The following TSPAN9 variants were observed in gnomAD, a reference collection of about 807,000 sequenced individuals.
TSPAN9 encodes tetraspanin 9, also known as tetraspanin-9.
TSPAN9 carries 16 observed loss-of-function variants against 31.0 expected under a neutral mutation model. The observed-to-expected ratio is 0.52, with a 90% CI of 0.35 to 0.78. The LOEUF (loss-of-function observed/expected upper bound fraction) is 0.78, where lower values mean the gene tolerates loss of function less well. Among genes scored for constraint, TSPAN9 ranks in the 30% least tolerant of loss-of-function variants. TSPAN9 has a pLI of 0.01. For synonymous variants in TSPAN9, 145 were observed against 121.6 expected (o/e 1.19, Z -1.27); for missense variants, 272 against 312.5 (o/e 0.87, Z 0.98).
rs1464818320 is a variant in TSPAN9, at chr12:3,177,191, G to GCCCAGGC, written c.-17-23985_-17-23984insCCAGGCC. Among the ~76,000 whole-genome samples the GCCCAGGC allele has an allele frequency of 1.5e-3, 226 of 147,254 alleles. 9 individuals are homozygous for GCCCAGGC. The South Asian group carries it at 0.046, about 30-fold the overall frequency. On this transcript the variant is annotated intron_variant, in intron 2 of 8. Coordinates refer to ENST00000011898, the MANE Select transcript of TSPAN9 (RefSeq NM_006675.5). The stretch of plus-strand genomic sequence containing the variant: ...CTCGCTCTGTTGCCCAGGCCGGACT[G>GCCCAGGC]CAGTGGTGCGATCTCGGCTCACTGC...
At chr12:3,219,618 G>C (rs187174877) in intron 3 of TSPAN9, among the ~76,000 whole-genome samples, 1 of 152,138 alleles carries the variant, frequency 6.6e-6, no homozygotes, top group African/African-American at 2.4e-5. Flanking sequence ...TGAGAATATA[G>C]ATGAGTAGAG....
At chr12:3,093,840 C>T (rs770242912) in intron 2 of TSPAN9, among the ~76,000 whole-genome samples, 1 of 152,002 alleles carries the variant, frequency 6.6e-6, no homozygotes, top group East Asian at 1.9e-4. Context: ...TCTTGATTTG[C>T]TTTGTTTTAT....
chr12:3,141,820 G>T (rs2098335000), intron 2 of TSPAN9, among the ~76,000 whole-genome samples: 1 of 152,172 alleles, frequency 6.6e-6, no homozygotes. Flanking sequence ...TCTGTGGGCT[G>T]CTCTTGCTTT....
intron 2 of TSPAN9, among the ~76,000 whole-genome samples, chr12:3,090,495 G>A (rs894276543): frequency 1.3e-5 from 2 of 152,206 alleles, no homozygotes; most frequent in Non-Finnish European, 2.9e-5. Context: ...CCCCTGCTAC[G>A]TGGTTTCTCA....
In TSPAN9 at chr12:3,120,792, C is replaced by T. The variant is rs150167881; in HGVS notation, c.-18+37073C>T. Among the ~76,000 whole-genome samples the T allele has an allele frequency of 3.8e-3, 579 of 152,338 alleles. 1 individual carries two copies. Among genetic ancestry groups the T allele is most frequent in the Middle Eastern group, 0.017 (5 of 294 alleles). ...TGTTGACCAAGCCCCCATCACCTGC[C>T]CGAGGTGAGGCCGAGCTCTTCCAGT... On this transcript the variant is annotated intron_variant, in intron 2 of 8. Coordinates refer to ENST00000011898, the MANE Select transcript of TSPAN9 (RefSeq NM_006675.5).
intron 2 of TSPAN9, among the ~76,000 whole-genome samples, chr12:3,177,722 C>T (rs12296930): frequency 0.041 from 6,212 of 152,298 alleles, 406 homozygotes; most frequent in African/African-American, 0.14. Context: ...TGTGAGCAAC[C>T]GCACCCAGCC....
chr12:3,090,819 C>T (rs1321214915), intron 2 of TSPAN9, among the ~76,000 whole-genome samples: 2 of 151,574 alleles, frequency 1.3e-5, no homozygotes, highest in East Asian at 2.0e-4. Context: ...GAATAGACCC[C>T]ACCGATCTTT....
chr12:3,138,408 C>T (rs2098333053), intron 2 of TSPAN9, among the ~76,000 whole-genome samples: 1 of 151,874 alleles, frequency 6.6e-6, no homozygotes, highest in Non-Finnish European at 1.5e-5. Flanking sequence ...TGGGAAGAGG[C>T]CCCAGTGCCC....
intron 3 of TSPAN9, among the ~76,000 whole-genome samples, chr12:3,249,849 T>G: frequency 6.6e-6 from 1 of 152,210 alleles, no homozygotes; most frequent in Non-Finnish European, 1.5e-5. Flanking sequence ...TCCCGCATGT[T>G]TTCCTCCTGC....
At chr12:3,086,012 G>GT (rs1309398486) in intron 2 of TSPAN9, among the ~76,000 whole-genome samples, 2 of 152,092 alleles carry the variant, frequency 1.3e-5, no homozygotes, top group Non-Finnish European at 2.9e-5. Flanking sequence ...TGTTGATTTG[G>GT]TTTAAACTCT....
intron 2 of TSPAN9, among the ~76,000 whole-genome samples, chr12:3,090,794 CGCAGAGA>C (rs1565571857): frequency 1.0e-4 from 7 of 69,406 alleles, no homozygotes; most frequent in Admixed American, 3.3e-4. Flanking sequence ...AGGAATAGAC[CGCAGAGA>C]TAATGAGGAA....
At chr12:3,142,388 C>T (rs2098335277) in intron 2 of TSPAN9, among the ~76,000 whole-genome samples, 1 of 152,144 alleles carries the variant, frequency 6.6e-6, no homozygotes, top group African/African-American at 2.4e-5. Flanking sequence ...TGTGTGGGCC[C>T]CCTCCTCGCC....
rs33918863 is a variant in TSPAN9 at position 3,102,435 on chromosome 12, AT to A, written c.-18+18734del. 2.8e-3 allele frequency among the ~76,000 whole-genome samples: 383 copies of A among 135,234 alleles called. 3 individuals carry two copies. The East Asian group carries it at 0.04, about 14-fold the overall frequency. 88.7% of individuals were successfully genotyped at this position (135,234 alleles called of 152,430 possible). A position where few individuals can be genotyped will look rare whatever the true frequency, so the allele number is the denominator to read the frequency against. Reference sequence around the variant, plus strand: ...AGCTGCTTACCCTGGCCAAGGAGGAATTTTTTTTTTTTTTTTTTAGACAGAG... The same window carrying A: ...AGCTGCTTACCCTGGCCAAGGAGGAATTTTTTTTTTTTTTTTTAGACAGAG... On this transcript the variant is annotated intron_variant, in intron 2 of 8. Coordinates refer to ENST00000011898, the MANE Select transcript of TSPAN9 (RefSeq NM_006675.5).
chr12:3,256,093 C>G (rs1326175446), intron 3 of TSPAN9, among the ~76,000 whole-genome samples: 1 of 152,180 alleles, frequency 6.6e-6, no homozygotes, highest in African/African-American at 2.4e-5. Flanking sequence ...ACCCCACTCC[C>G]ACCCCTTTGC....
At chr12:3,267,900 C>T (rs527851855) in intron 3 of TSPAN9, among the ~76,000 whole-genome samples, 23 of 152,314 alleles carry the variant, frequency 1.5e-4, no homozygotes, top group African/African-American at 5.5e-4. Context: ...GCCCACCCTG[C>T]ACATCATGCA....
intron 2 of TSPAN9, among the ~76,000 whole-genome samples, chr12:3,100,809 A>T (rs367633582): frequency 3.3e-5 from 5 of 152,296 alleles, no homozygotes; most frequent in African/African-American, 1.2e-4. Context: ...TATCTCTCTA[A>T]GTTGGCTGTG....
intron 2 of TSPAN9, among the ~76,000 whole-genome samples, chr12:3,125,607 C>T (rs1184960715): frequency 6.6e-6 from 1 of 151,986 alleles, no homozygotes; most frequent in Non-Finnish European, 1.5e-5. Context: ...AAGGTTCTTT[C>T]TTCTCATGGA....
intron 1 of TSPAN9, among the ~76,000 whole-genome samples, chr12:3,079,002 CAG>C (rs2098296482): frequency 1.4e-5 from 2 of 141,192 alleles, no homozygotes; most frequent in Non-Finnish European, 3.0e-5. Context: ...TTTTTTGAGA[CAG>C]AGTCTCACTC....
rs115663871 is a variant in TSPAN9 at position 3,224,354 on chromosome 12, G to A, written c.63+23098G>A. Reference sequence around the variant, plus strand: ...CTAGGCGCCCTCACGGGCTGGTGAAGTGGAGTAAGAGCCCTTGGAGATCTG... The same window carrying A: ...CTAGGCGCCCTCACGGGCTGGTGAAATGGAGTAAGAGCCCTTGGAGATCTG... On this transcript the variant is annotated intron_variant, in intron 3 of 8. Coordinates refer to ENST00000011898, the MANE Select transcript of TSPAN9 (RefSeq NM_006675.5). 6.0e-3 allele frequency among the ~76,000 whole-genome samples: 907 copies of A among 152,362 alleles called. 9 individuals are homozygous for A. Among genetic ancestry groups the A allele is most frequent in the African/African-American group, 0.021 (858 of 41,580 alleles).
Sources: gnomAD v4.1 joint callset for allele counts (sites outside exome capture counted in the v4.1 genomes callset) on GRCh38, gnomAD v4.1.1 for gene constraint, MANE v1.5 for transcripts, NCBI Gene and HGNC (gene_info 2026-07-23, HGNC 2026-07-21) for gene names.